Variants in ARFIP1 observed in about 807,000 individuals in gnomAD.
ARFIP1 encodes the protein ARF interacting protein 1, also known as arfaptin-1.
A neutral mutation model predicts 42.5 loss-of-function variants in ARFIP1; 24 were observed. That is an observed-to-expected ratio of 0.57 (90% CI 0.41 to 0.80). ARFIP1 has a LOEUF of 0.80. Ranked by LOEUF, ARFIP1 falls within the 30% of genes least tolerant of loss-of-function variation. The pLI is 0.00. For missense variants in ARFIP1, 354 were observed against 434.0 expected, an observed-to-expected ratio of 0.82 and a Z score of 1.64; for synonymous variants, 141 against 153.7, an observed-to-expected ratio of 0.92 and a Z score of 0.61.
intron 5 of ARFIP1, among the ~76,000 whole-genome samples, chr4:152,875,978 TAAG>T (rs1246985412): frequency 1.3e-4 from 20 of 152,152 alleles, no homozygotes; most frequent in Admixed American, 1.3e-3. Context: ...TGCCACCATA[TAAG>T]AAGTACCTTT....
chr4:152,903,238 T>A (rs1483502885), intron 8 of ARFIP1, among the ~76,000 whole-genome samples: 1 of 152,190 alleles, frequency 6.6e-6, no homozygotes, highest in Admixed American at 6.5e-5. Flanking sequence ...AATGTTCATA[T>A]TGAGGATTGT....
intron 2 of ARFIP1, among the ~76,000 whole-genome samples, chr4:152,834,087 G>C (rs1033465327): frequency 6.6e-6 from 1 of 152,116 alleles, no homozygotes; most frequent in Non-Finnish European, 1.5e-5. Context: ...AGAAAAGGTG[G>C]AGGTCCCAGA....
chr4:152,866,620 G>T (rs924141469), intron 3 of ARFIP1, among the ~76,000 whole-genome samples: 9 of 151,764 alleles, frequency 5.9e-5, no homozygotes, highest in Middle Eastern at 3.4e-3. Context: ...TGGACGGGGC[G>T]GCTGTCCTGG....
At chr4:152,796,253 A>C in intron 1 of ARFIP1, 2 of 1,028,972 alleles carry the variant, frequency 1.9e-6, no homozygotes, top group South Asian at 1.4e-5. Context: ...CTTTACACCA[A>C]GTATTGGTAG....
intron 1 of ARFIP1, among the ~76,000 whole-genome samples, chr4:152,781,270 C>T (rs1380293777): frequency 8.5e-5 from 11 of 130,050 alleles, no homozygotes; most frequent in Admixed American, 1.9e-4. Context: ...GAGTCTCACT[C>T]TGTCGCCCAG....
intron 2 of ARFIP1, among the ~76,000 whole-genome samples, chr4:152,844,336 A>G (rs983717689): frequency 6.6e-6 from 1 of 152,112 alleles, no homozygotes; most frequent in Non-Finnish European, 1.5e-5. Flanking sequence ...GGGATTGCTG[A>G]TTTGTTCTTG....
intron 1 of ARFIP1, among the ~76,000 whole-genome samples, chr4:152,789,460 A>G (rs1275574969): frequency 2.0e-5 from 3 of 152,142 alleles, no homozygotes; most frequent in African/African-American, 7.2e-5. Context: ...GATAATGTTC[A>G]TCAGTTTTGT....
rs142894062 is a variant in ARFIP1 at position 152,888,135 on chromosome 4, T to C, written c.794T>C (p.Ile265Thr). The change falls in exon 8 of 9, where the codon ATT becomes ACT. Residue 265 changes from isoleucine (I) to threonine (T), a missense_variant and splice_region_variant. Physicochemically the swap from Ile to Thr is moderately conservative, Grantham distance 89. Coordinates refer to ENST00000353617, the MANE Select transcript of ARFIP1 (RefSeq NM_001025595.3). ...TTCACTTACTCTCTTCTTTCCAGGA[T>C]TGAATATGATGCATATCGCACTGAT... is the stretch of plus-strand genomic sequence containing the variant. ...MTVKQYESARIEYDAYRTDLE... is the reference protein window; with the variant it reads ...MTVKQYESARTEYDAYRTDLE... 35 of 1,596,068 alleles carry C rather than the reference T, an allele frequency of 2.2e-5. No individual in the cohort carries two copies. The African/African-American group carries it at 4.1e-4, about 18-fold the overall frequency.
rs1020643155 is a variant in ARFIP1, at chr4:152,784,655, T to C, written c.-10+4429T>C. Among the ~76,000 whole-genome samples, 3 of 152,264 alleles carry C rather than the reference T, an allele frequency of 2.0e-5. No homozygotes were observed. In the East Asian group the frequency reaches 5.8e-4, roughly 29 times the overall value. ...TACAAAAATGAAGTTCTTGCCTGGC[T>C]TCGTCACTTCGTGACCTCAGTCACC... On this transcript the variant is annotated intron_variant, in intron 1 of 8. Coordinates refer to ENST00000353617, the MANE Select transcript of ARFIP1 (RefSeq NM_001025595.3).
At chr4:152,785,070 A>G (rs966919008) in intron 1 of ARFIP1, among the ~76,000 whole-genome samples, 1 of 152,192 alleles carries the variant, frequency 6.6e-6, no homozygotes, top group African/African-American at 2.4e-5. Context: ...AATGATTATA[A>G]TTGTATGGCA....
chr4:152,786,758 C>T (rs1730832892), intron 1 of ARFIP1, among the ~76,000 whole-genome samples: 1 of 152,172 alleles, frequency 6.6e-6, no homozygotes, highest in Non-Finnish European at 1.5e-5. Context: ...TCATCTTGTA[C>T]CATGTTCTGC....
chr4:152,851,151 A>T (rs1009776431), intron 2 of ARFIP1, among the ~76,000 whole-genome samples: 12 of 152,240 alleles, frequency 7.9e-5, no homozygotes, highest in African/African-American at 2.9e-4. Context: ...ACTCTGCTAG[A>T]TGTCAAGAAT....
At chr4:152,845,812 T>A (rs1221548364) in intron 2 of ARFIP1, among the ~76,000 whole-genome samples, 2 of 152,174 alleles carry the variant, frequency 1.3e-5, no homozygotes, top group East Asian at 3.9e-4. Context: ...AACTTAAAAC[T>A]ACCATCAGAC....
At chr4:152,903,089 A>G (rs183292570) in intron 8 of ARFIP1, among the ~76,000 whole-genome samples, 3 of 152,328 alleles carry the variant, frequency 2.0e-5, no homozygotes, top group Non-Finnish European at 2.9e-5. Flanking sequence ...TTAATAACCA[A>G]AATGTTCTGA....
chr4:152,851,665 C>T (rs1429066163), intron 2 of ARFIP1, among the ~76,000 whole-genome samples: 1 of 152,068 alleles, frequency 6.6e-6, no homozygotes. Context: ...GAATTGATTG[C>T]GGGACTGACA....
At chr4:152,843,304 C>T (rs2149858086) in intron 2 of ARFIP1, among the ~76,000 whole-genome samples, 1 of 152,258 alleles carries the variant, frequency 6.6e-6, no homozygotes, top group Non-Finnish European at 1.5e-5. Context: ...GATTCCAGCA[C>T]CTATTCCATT....
At chr4:152,802,343 TCTTTA>T (rs1389466411) in intron 1 of ARFIP1, among the ~76,000 whole-genome samples, 1 of 152,190 alleles carries the variant, frequency 6.6e-6, no homozygotes, top group East Asian at 1.9e-4. Context: ...TCTTTCACTT[TCTTTA>T]CTTTCTTCAT....
rs541016841 is a variant in ARFIP1 at position 152,796,872 on chromosome 4, G to T, written c.-10+16646G>T. On this transcript the variant is annotated intron_variant, in intron 1 of 8. Coordinates refer to ENST00000353617, the MANE Select transcript of ARFIP1 (RefSeq NM_001025595.3). ...AGAGCACCCAGAAGCAGCCCTTGGG[G>T]TGCAAAAATGCTCTCCTTTACCTTT... 140 of 468,276 alleles carry T rather than the reference G, an allele frequency of 3.0e-4. 1 individual carries two copies. Among genetic ancestry groups the T allele is most frequent in the Non-Finnish European group, 4.2e-4 (110 of 260,888 alleles). The allele number at this position is 468,276 out of a possible 1,614,324, so 29.0% of individuals were successfully genotyped here. A position where few individuals can be genotyped will look rare whatever the true frequency, so the allele number is the denominator to read the frequency against.
Position 152,870,805 on chromosome 4 carries a change from T to A in ARFIP1, c.255T>A (p.Ala85=). ...PSVMSPSRVA[A]SRLAQQGSDL... is the part of the protein sequence containing the mutation. ...TTATGTCTCCTAGCAGGGTTGCAGC[T>A]AGTCGACTGGCTCAGCAAGGAAGTG... The change falls in exon 4 of 9, where the codon GCT becomes GCA. Residue 85 remains alanine, a synonymous_variant. Coordinates refer to ENST00000353617, the MANE Select transcript of ARFIP1 (RefSeq NM_001025595.3). 1 of 1,614,142 alleles carries A rather than the reference T, an allele frequency of 6.2e-7. No homozygotes were observed. The highest frequency in any genetic ancestry group is 8.5e-7 in the Non-Finnish European group (1 of 1,179,980).
Sources: allele counts gnomAD v4.1 joint callset (sites outside exome capture counted in the v4.1 genomes callset), GRCh38; gene constraint gnomAD v4.1.1; transcripts MANE v1.5; gene names NCBI Gene and HGNC (gene_info 2026-07-23, HGNC 2026-07-21).